Variants in MACROD2 observed in about 807,000 individuals in gnomAD.
MACROD2 encodes the protein ADP-ribose glycohydrolase MACROD2.
MACROD2 carries 36 observed loss-of-function variants against 70.4 expected under a neutral mutation model. The observed-to-expected ratio is 0.51, with a 90% CI of 0.39 to 0.68. The LOEUF (loss-of-function observed/expected upper bound fraction) is 0.68, where lower values mean the gene tolerates loss of function less well. MACROD2 is among the 30% of genes least tolerant of loss of function. The pLI is 0.00. For missense variants in MACROD2, 496 were observed against 538.4 expected, an observed-to-expected ratio of 0.92 and a Z score of 0.78; for synonymous variants, 172 against 178.8, an observed-to-expected ratio of 0.96 and a Z score of 0.30.
intron 6 of MACROD2, among the ~76,000 whole-genome samples, chr20:15,381,680 C>CA (rs1249620077): frequency 2.0e-5 from 3 of 152,012 alleles, no homozygotes; most frequent in South Asian, 2.1e-4. Context: ...AGACTAAAAA[C>CA]AAAAAATCTA....
chr20:14,264,982 GA>G (rs2082132270), intron 3 of MACROD2, among the ~76,000 whole-genome samples: 1 of 152,204 alleles, frequency 6.6e-6, no homozygotes, highest in South Asian at 2.1e-4. Context: ...CCTGGTCTAG[GA>G]AGGCTGAAGT....
intron 5 of MACROD2, among the ~76,000 whole-genome samples, chr20:15,132,916 T>G (rs1013958641): frequency 6.6e-6 from 1 of 152,060 alleles, no homozygotes; most frequent in African/African-American, 2.4e-5. Flanking sequence ...AACATTAATT[T>G]GTGATAATAG....
At chr20:14,281,663 G>A (rs946162885) in intron 3 of MACROD2, among the ~76,000 whole-genome samples, 6 of 151,932 alleles carry the variant, frequency 3.9e-5, no homozygotes, top group Non-Finnish European at 7.4e-5. Context: ...GCAGCCAGGC[G>A]CAGTGGCTTA....
At chr20:14,351,170 C>T (rs1270933045) in intron 3 of MACROD2, among the ~76,000 whole-genome samples, 5 of 152,068 alleles carry the variant, frequency 3.3e-5, no homozygotes, top group African/African-American at 7.2e-5. Flanking sequence ...TACAATCTGA[C>T]GTCAGGTAAT....
intron 3 of MACROD2, among the ~76,000 whole-genome samples, chr20:14,315,664 A>G (rs75632295): frequency 0.015 from 2,302 of 152,340 alleles, 24 homozygotes; most frequent in African/African-American, 0.027. Context: ...CTAGAAGCAT[A>G]TTGTGATTCA....
intron 8 of MACROD2, among the ~76,000 whole-genome samples, chr20:15,604,348 G>A (rs564514450): frequency 6.6e-6 from 1 of 152,212 alleles, no homozygotes; most frequent in East Asian, 1.9e-4. Context: ...TACCAATTCA[G>A]TTTTTTTATT....
At chr20:14,402,777 A>G (rs2083651459) in intron 3 of MACROD2, among the ~76,000 whole-genome samples, 3 of 152,208 alleles carry the variant, frequency 2.0e-5, no homozygotes, top group Admixed American at 1.3e-4. Flanking sequence ...CTTCTTCCTT[A>G]GAGGAAAAAC....
intron 6 of MACROD2, among the ~76,000 whole-genome samples, chr20:15,320,237 G>C (rs1040571765): frequency 1.3e-5 from 2 of 152,112 alleles, no homozygotes; most frequent in African/African-American, 4.8e-5. Context: ...ACATTGTCAG[G>C]GGTTTAGAGG....
chr20:14,982,700 C>T (rs930267942), intron 5 of MACROD2, among the ~76,000 whole-genome samples: 1 of 152,194 alleles, frequency 6.6e-6, no homozygotes, highest in Admixed American at 6.5e-5. Context: ...GTTTGGGAAC[C>T]TCCAACTAGA....
rs561965640 is a variant in MACROD2 at position 14,085,087 on chromosome 20, C to T, written c.164-534C>T. ...CTGAGGGCAGAGAATCTATTGAACC[C>T]GGAAGACAGGGGTTGCAGTGAGCCG... On this transcript the variant is annotated intron_variant, in intron 2 of 17. Transcript: ENST00000684519. 1.1e-4 allele frequency among the ~76,000 whole-genome samples: 16 copies of T among 150,700 alleles called. No homozygotes were observed. In the East Asian group the frequency reaches 3.1e-3, roughly 29 times the overall value.
chr20:14,054,690 C>T (rs1245158089), intron 2 of MACROD2, among the ~76,000 whole-genome samples: 1 of 152,078 alleles, frequency 6.6e-6, no homozygotes. Flanking sequence ...TCAGTTGTGT[C>T]AGATGTCACA....
Position 13,995,674 on chromosome 20 carries a change from C to T in MACROD2, c.-90C>T, listed in dbSNP as rs912512081. ...TCTTTCACTTTTTCCCTGCTGAGTG[C>T]CCCCTCCCACCCCTCCCACTCCACA... On this transcript the variant is annotated 5_prime_UTR_variant, in exon 1 of 18. Transcript: ENST00000684519. This position sits in a 1 kb window ranked among gnomAD's most constrained non-coding sequence, Gnocchi z 4.3. 6 of 888,184 alleles carry T rather than the reference C, an allele frequency of 6.8e-6. No homozygotes were observed. The highest frequency in any genetic ancestry group is 4.9e-5 in the African/African-American group (3 of 61,152). 55.0% of individuals were successfully genotyped at this position (888,184 alleles called of 1,614,324 possible). A position where few individuals can be genotyped will look rare whatever the true frequency, so the allele number is the denominator to read the frequency against.
At chr20:14,934,585 G>A (rs1336825513) in intron 5 of MACROD2, among the ~76,000 whole-genome samples, 2 of 152,232 alleles carry the variant, frequency 1.3e-5, no homozygotes, top group East Asian at 3.9e-4. Context: ...TTAGGAGTTC[G>A]AGACCAGCCT....
At chr20:14,695,257 G>A (rs1001352041) in intron 5 of MACROD2, among the ~76,000 whole-genome samples, 6 of 152,064 alleles carry the variant, frequency 3.9e-5, no homozygotes, top group African/African-American at 1.4e-4. Context: ...TTGGCCTCAG[G>A]TGTTTCTTGG....
At position 13,995,857 on chromosome 20, in the gene MACROD2, T is replaced by TGGGGGGGGGGGGGGGTTGGGGGG; in HGVS notation, c.46+53_46+54insGGGGGGGGGGTTGGGGGGGGGGG. On this transcript the variant is annotated intron_variant, in intron 1 of 17. Coordinates refer to ENST00000684519, the MANE Select transcript of MACROD2 (RefSeq NM_001351661.2). This position sits in a 1 kb window ranked among gnomAD's most constrained non-coding sequence, Gnocchi z 4.3. Reference sequence around the variant, plus strand: ...GGGGTGCGGGCGGTGGGGGTTAGGGTGGGGGCGGGGGTCAGGCTGTGTGTG... The same window carrying TGGGGGGGGGGGGGGGTTGGGGGG: ...GGGGTGCGGGCGGTGGGGGTTAGGGTGGGGGGGGGGGGGGGTTGGGGGGGGGGGCGGGGGTCAGGCTGTGTGTG... The TGGGGGGGGGGGGGGGTTGGGGGG allele has an allele frequency of 3.5e-6, 1 of 284,148 alleles. No individual in the cohort carries two copies. The highest frequency in any genetic ancestry group is 4.5e-5 in the Admixed American group (1 of 22,408). The allele number at this position is 284,148 out of a possible 1,614,324, so 17.6% of individuals were successfully genotyped here.
At chr20:14,781,101 T>C (rs2072294717) in intron 5 of MACROD2, among the ~76,000 whole-genome samples, 1 of 152,048 alleles carries the variant, frequency 6.6e-6, no homozygotes, top group Non-Finnish European at 1.5e-5. Context: ...AATACATTAC[T>C]ATTGACTATA....
At chr20:14,540,936 G>T (rs944577468) in intron 4 of MACROD2, among the ~76,000 whole-genome samples, 2 of 152,106 alleles carry the variant, frequency 1.3e-5, no homozygotes, top group African/African-American at 2.4e-5. Flanking sequence ...AAAATGGTCT[G>T]CCAACTGTCC....
chr20:15,533,184 A>G lies in MACROD2; in HGVS notation c.645+33337A>G, dbSNP rs73258919. Among the ~76,000 whole-genome samples the G allele has an allele frequency of 5.8e-3, 889 of 152,348 alleles. 10 individuals carry two copies. The highest frequency in any genetic ancestry group is 0.02 in the African/African-American group (837 of 41,572). ...AAGATGCTGGATGTGCCCTTTAAAT[A>G]AAGTCAGCATTTCTCCCTAATGATT... On this transcript the variant is annotated intron_variant, in intron 8 of 17. Coordinates refer to ENST00000684519, the MANE Select transcript of MACROD2 (RefSeq NM_001351661.2).
chr20:15,115,730 C>G (rs1475659173), intron 5 of MACROD2, among the ~76,000 whole-genome samples: 1 of 152,094 alleles, frequency 6.6e-6, no homozygotes. Flanking sequence ...GGTTAAGTCT[C>G]ATAAAAACAT....
Sources: allele counts gnomAD v4.1 joint callset (sites outside exome capture counted in the v4.1 genomes callset), GRCh38; gene constraint gnomAD v4.1.1; non-coding constraint Gnocchi (gnomAD v3.1); transcripts MANE v1.5; gene names NCBI Gene and HGNC (gene_info 2026-07-23, HGNC 2026-07-21).